The following NDUFS1 variants were observed in gnomAD, a reference collection of about 807,000 sequenced individuals.
The protein encoded by NDUFS1 is NADH-ubiquinone oxidoreductase 75 kDa subunit, mitochondrial.
A neutral mutation model predicts 84.4 loss-of-function variants in NDUFS1; 61 were observed. The observed-to-expected ratio is 0.72, with a 90% CI of 0.59 to 0.89. The LOEUF (loss-of-function observed/expected upper bound fraction) is 0.89. Ranked by LOEUF, NDUFS1 falls within the 40% of genes least tolerant of loss-of-function variation. The pLI is 0.00. For synonymous variants in NDUFS1, 275 were observed against 290.0 expected, an observed-to-expected ratio of 0.95 and a Z score of 0.53; for missense variants, 891 against 890.0, an observed-to-expected ratio of 1.00 and a Z score of -0.01.
intron 18 of NDUFS1, 95 bp from the exon 19 acceptor site, chr2:206,124,371 G>T: frequency 1.1e-6 from 1 of 902,978 alleles, no homozygotes; most frequent in Non-Finnish European, 1.8e-6. Flanking sequence ...GAGGAAAAAA[G>T]ATTATAAGGC....
At chr2:206,159,216 G>A (rs970480761) in intron 1 of NDUFS1, 125 bp downstream of exon 1, 13 of 1,377,620 alleles carry the variant, frequency 9.4e-6, no homozygotes, top group African/African-American at 2.9e-5. Context: ...AGGCGGCGGG[G>A]CGGGAGGCGG....
chr2:206,119,508 T>A lies in NDUFS1; in HGVS notation c.*4677A>T, dbSNP rs1691038581. The A allele has an allele frequency of 6.6e-6, 1 of 152,030 alleles. No individual in the cohort carries two copies. The highest frequency in any genetic ancestry group is 2.4e-5 in the African/African-American group (1 of 41,396). The allele number at this position is 152,030 out of a possible 1,614,324, so 9.4% of individuals were successfully genotyped here. ...CACTGCAACCTCCGTCTCCTGGGTT[T>A]AAGTGATTCTCCTGCCTCAGCCTCC... is the stretch of plus-strand genomic sequence containing the variant. On this transcript the variant is annotated 3_prime_UTR_variant, in exon 19 of 19. Coordinates refer to ENST00000233190, the MANE Select transcript of NDUFS1 (RefSeq NM_005006.7).
intron 15 of NDUFS1, 109 bp from the exon 16 acceptor site, chr2:206,128,081 AGT>A: frequency 1.6e-6 from 2 of 1,278,818 alleles, no homozygotes; most frequent in Non-Finnish European, 2.2e-6. Flanking sequence ...AAGTCACAAA[AGT>A]TTTTAAAACT....
intron 1 of NDUFS1, among the ~76,000 whole-genome samples, chr2:206,154,844 C>T (rs1368090802): frequency 2.0e-5 from 3 of 151,474 alleles, no homozygotes; most frequent in Non-Finnish European, 2.9e-5. Flanking sequence ...AGGCTGGTCT[C>T]GAACTCCTGA....
chr2:206,126,395 A>T, intron 18 of NDUFS1, 144 bp downstream of exon 18: 1 of 792,452 alleles, frequency 1.3e-6, no homozygotes. Context: ...AAATATGCTT[A>T]CGTTAGTTCC....
At chr2:206,142,979 C>A in intron 10 of NDUFS1, 148 bp from the exon 11 acceptor site, 1 of 1,151,516 alleles carries the variant, frequency 8.7e-7, no homozygotes, top group Non-Finnish European at 1.2e-6. Flanking sequence ...TGCCCAGGCA[C>A]ACTGGCTCAT....
At chr2:206,129,199 A>G (rs1334221941) in intron 15 of NDUFS1, among the ~76,000 whole-genome samples, 3 of 152,214 alleles carry the variant, frequency 2.0e-5, no homozygotes, top group Admixed American at 6.5e-5. Flanking sequence ...TGAAGTACGC[A>G]TATCAAAACT....
At position 206,120,289 on chromosome 2, in the gene NDUFS1, T is replaced by C. The variant is rs1049379210; in HGVS notation, c.*3896A>G. On this transcript the variant is annotated 3_prime_UTR_variant, in exon 19 of 19. Transcript: ENST00000233190. The stretch of plus-strand genomic sequence containing the variant: ...TAGTACTGACAGTGGGGCACTGCTA[T>C]ACATATTGGAAAATGTAGAAACAGC... The C allele has an allele frequency of 1.3e-5, 2 of 152,232 alleles. No homozygotes were observed. The highest frequency in any genetic ancestry group is 2.9e-5 in the Non-Finnish European group (2 of 68,062). 9.4% of individuals were successfully genotyped at this position (152,232 alleles called of 1,614,324 possible).
At position 206,148,405 on chromosome 2, in the gene NDUFS1, C is replaced by T. The variant is rs1001420670; in HGVS notation, c.339-571G>A. Among the ~76,000 whole-genome samples, 50 of 152,026 alleles carry T rather than the reference C, an allele frequency of 3.3e-4. 2 individuals are homozygous for T. The highest frequency in any genetic ancestry group is 5.9e-5 in the Non-Finnish European group (4 of 68,000). On this transcript the variant is annotated intron_variant, in intron 5 of 18. Coordinates refer to ENST00000233190, the MANE Select transcript of NDUFS1 (RefSeq NM_005006.7). Reference sequence around the variant, plus strand: ...AGCTCCTGGGCTCAAGTGATCCTCCCGAGTATCATTCTGGTAGTATTAAAC... The same window carrying T: ...AGCTCCTGGGCTCAAGTGATCCTCCTGAGTATCATTCTGGTAGTATTAAAC...
rs143808681 is a variant in NDUFS1 at position 206,138,072 on chromosome 2, T to C, written c.1392+413A>G. On this transcript the variant is annotated intron_variant, in intron 13 of 18. Coordinates refer to ENST00000233190, the MANE Select transcript of NDUFS1 (RefSeq NM_005006.7). ...AGGTAATGTTTTACTTTCTTCCTCA[T>C]GTTCTTTTCTGTATTGGTGTAAGTT... Among the ~76,000 whole-genome samples, 1,485 of 152,256 alleles carry C rather than the reference T, an allele frequency of 9.8e-3. 27 individuals are homozygous for C. The highest frequency in any genetic ancestry group is 0.034 in the African/African-American group (1,408 of 41,544).
intron 18 of NDUFS1, among the ~76,000 whole-genome samples, chr2:206,124,906 A>G (rs1225140284): frequency 6.6e-6 from 1 of 152,172 alleles, no homozygotes; most frequent in Non-Finnish European, 1.5e-5. Context: ...AAAGGTTACA[A>G]AACAGCATAT....
At chr2:206,156,242 G>C (rs867504064) in intron 1 of NDUFS1, among the ~76,000 whole-genome samples, 3 of 139,712 alleles carry the variant, frequency 2.1e-5, no homozygotes, top group South Asian at 4.6e-4. Flanking sequence ...CAGCCTGGGC[G>C]ACAGAGCAAC....
At chr2:206,142,131 G>A in intron 11 of NDUFS1, 62 bp from the exon 12 acceptor site, 1 of 1,415,466 alleles carries the variant, frequency 7.1e-7, no homozygotes, top group Admixed American at 1.7e-5. Flanking sequence ...GAGAATCCAT[G>A]AAATATTCTC....
intron 11 of NDUFS1, 80 bp from the exon 12 acceptor site, chr2:206,142,149 C>T: frequency 1.6e-6 from 2 of 1,287,418 alleles, no homozygotes; most frequent in Non-Finnish European, 1.1e-6. Flanking sequence ...CTCCTATCAT[C>T]AAACCCATTG....
intron 1 of NDUFS1, 61 bp downstream of exon 1, chr2:206,159,280 C>T (rs567035485): frequency 1.3e-6 from 1 of 770,770 alleles, no homozygotes. Flanking sequence ...GGAAACAGTC[C>T]CGTCAATAAA....
intron 13 of NDUFS1, 101 bp downstream of exon 13, chr2:206,138,384 T>C: frequency 1.4e-6 from 2 of 1,397,970 alleles, no homozygotes; most frequent in Non-Finnish European, 9.9e-7. Flanking sequence ...CCCAACCTGG[T>C]GTAAGTTTTA....
chr2:206,140,341 C>T (rs551246039), intron 12 of NDUFS1, among the ~76,000 whole-genome samples: 1 of 151,848 alleles, frequency 6.6e-6, no homozygotes, highest in Admixed American at 6.6e-5. Flanking sequence ...AGAGCAAGAC[C>T]CCTAACACAA....
rs1691099434 is a variant in NDUFS1 at position 206,121,675 on chromosome 2, A to G, written c.*2510T>C. 6.6e-6 allele frequency: 1 copy of G among 151,806 alleles called. No individual in the cohort carries two copies. The highest frequency in any genetic ancestry group is 2.1e-4 in the South Asian group (1 of 4,828). The allele number at this position is 151,806 out of a possible 1,614,324, so 9.4% of individuals were successfully genotyped here. A position where few individuals can be genotyped will look rare whatever the true frequency, so the allele number is the denominator to read the frequency against. ...ACCACGTTGGCCAGGCTGGTCTCAAACTCCTGACCTCAATGATCTGCCCGC... is the reference window on the plus strand; with the variant it reads ...ACCACGTTGGCCAGGCTGGTCTCAAGCTCCTGACCTCAATGATCTGCCCGC... On this transcript the variant is annotated 3_prime_UTR_variant, in exon 19 of 19. Coordinates refer to ENST00000233190, the MANE Select transcript of NDUFS1 (RefSeq NM_005006.7).
chr2:206,149,425 C>T (rs967549108), intron 4 of NDUFS1, among the ~76,000 whole-genome samples: 1 of 152,088 alleles, frequency 6.6e-6, no homozygotes. Flanking sequence ...ATTGCATACA[C>T]CAAAATGAAA....
Sources: allele counts gnomAD v4.1 joint callset (sites outside exome capture counted in the v4.1 genomes callset), GRCh38; gene constraint gnomAD v4.1.1; transcripts MANE v1.5; gene names NCBI Gene and HGNC (gene_info 2026-07-23, HGNC 2026-07-21).